The following GRIP1 variants were observed in gnomAD, a reference collection of about 807,000 sequenced individuals.
GRIP1 encodes glutamate receptor interacting protein 1.
Under a neutral mutation model 129.9 loss-of-function variants are expected in GRIP1, and 45 were observed. The observed-to-expected ratio is 0.35, with a 90% confidence interval of 0.27 to 0.44. The LOEUF is 0.44. Ranked by LOEUF, GRIP1 falls within the 20% of genes least tolerant of loss-of-function variation. The pLI, the probability that GRIP1 is intolerant of heterozygous loss-of-function variation, is 1.00. For missense variants in GRIP1, 1,196 were observed against 1,396.8 expected, an observed-to-expected ratio of 0.86 and a Z score of 2.29; for synonymous variants, 530 against 520.8, an observed-to-expected ratio of 1.02 and a Z score of -0.24.
intron 15 of GRIP1, among the ~76,000 whole-genome samples, chr12:66,415,832 C>T (rs2057579675): frequency 6.6e-6 from 1 of 152,152 alleles, no homozygotes. Context: ...GAAAACCAAA[C>T]ACTGCATGTT....
chr12:66,478,539 A>G (rs1372192391), intron 7 of GRIP1, among the ~76,000 whole-genome samples: 8 of 152,222 alleles, frequency 5.3e-5, no homozygotes, highest in Non-Finnish European at 7.3e-5. Context: ...TATATACCCA[A>G]AGGATTATAA....
chr12:66,424,062 T>G (rs2057900207), intron 14 of GRIP1, among the ~76,000 whole-genome samples: 1 of 152,216 alleles, frequency 6.6e-6, no homozygotes, highest in South Asian at 2.1e-4. Flanking sequence ...GTATCTCCAA[T>G]GCAAGTGTTT....
chr12:66,668,153 T>C (rs1192971178), intron 1 of GRIP1, among the ~76,000 whole-genome samples: 1 of 152,202 alleles, frequency 6.6e-6, no homozygotes, highest in African/African-American at 2.4e-5. Flanking sequence ...ATTTTAACAT[T>C]TGGAAGGCAT....
At chr12:66,666,321 T>C (rs1383017473) in intron 1 of GRIP1, among the ~76,000 whole-genome samples, 2 of 152,176 alleles carry the variant, frequency 1.3e-5, no homozygotes, top group Non-Finnish European at 2.9e-5. Context: ...ATCTTCCAAG[T>C]ATAAAGGTCA....
intron 1 of GRIP1, among the ~76,000 whole-genome samples, chr12:66,639,112 G>T (rs2031688010): frequency 6.6e-6 from 1 of 152,146 alleles, no homozygotes; most frequent in Admixed American, 6.6e-5. Context: ...ATATACATAT[G>T]TGTAAATATT....
chr12:66,949,288 C>T (rs2041718716), intron 1 of GRIP1, among the ~76,000 whole-genome samples: 1 of 152,048 alleles, frequency 6.6e-6, no homozygotes, highest in Non-Finnish European at 1.5e-5. Context: ...CTAGTTGCAC[C>T]TGATTCCTAG....
chr12:66,795,501 G>A (rs945721827), intron 1 of GRIP1, among the ~76,000 whole-genome samples: 6 of 152,128 alleles, frequency 3.9e-5, no homozygotes, highest in African/African-American at 7.2e-5. Flanking sequence ...AGACTCAATC[G>A]TGAAAAGCAG....
chr12:66,661,122 C>T (rs946786440), intron 1 of GRIP1, among the ~76,000 whole-genome samples: 3 of 151,836 alleles, frequency 2.0e-5, no homozygotes, highest in African/African-American at 7.3e-5. Flanking sequence ...TTGTGATGCA[C>T]CTAGAAATTG....
Position 66,610,959 on chromosome 12 carries a change from C to T in GRIP1, c.56-14032G>A, listed in dbSNP as rs117680376. 7.6e-3 allele frequency among the ~76,000 whole-genome samples: 1,155 copies of T among 152,262 alleles called. 9 individuals carry two copies. The highest frequency in any genetic ancestry group is 0.014 in the Non-Finnish European group (938 of 68,002). ...GGTACTGATTTTAAGCACAGCCTGC[C>T]TTCACATTTCTCCACTGTATAACTA... On this transcript the variant is annotated intron_variant, in intron 1 of 24. Coordinates refer to ENST00000359742, the MANE Select transcript of GRIP1 (RefSeq NM_001366722.1).
At chr12:66,640,730 AAAG>A (rs1057145720) in intron 1 of GRIP1, among the ~76,000 whole-genome samples, 1 of 152,202 alleles carries the variant, frequency 6.6e-6, no homozygotes, top group Non-Finnish European at 1.5e-5. Context: ...AGAATTATTC[AAAG>A]AATTAATGTT....
intron 6 of GRIP1, among the ~76,000 whole-genome samples, chr12:66,517,459 A>C (rs545686000): frequency 2.6e-5 from 4 of 152,316 alleles, no homozygotes; most frequent in African/African-American, 9.6e-5. Flanking sequence ...GAATGTTGAG[A>C]ATGGTAAGAA....
chr12:66,455,565 C>T lies in GRIP1; in HGVS notation c.1199-1G>A, dbSNP rs772813442. ...GAGAAGGATGAAGACACCAAAGCTGCTGCAAGAGAGTGAAGACGTTGCACA... is the reference window on the plus strand; with the variant it reads ...GAGAAGGATGAAGACACCAAAGCTGTTGCAAGAGAGTGAAGACGTTGCACA... On this transcript the variant is annotated splice_acceptor_variant, in intron 10 of 24. Transcript: ENST00000359742. LOFTEE classifies it high-confidence loss of function. 3 of 1,613,638 alleles carry T rather than the reference C, an allele frequency of 1.9e-6. No individual in the cohort carries two copies. Among genetic ancestry groups the T allele is most frequent in the East Asian group, 2.2e-5 (1 of 44,892 alleles).
intron 1 of GRIP1, among the ~76,000 whole-genome samples, chr12:66,993,723 G>A (rs1169001037): frequency 3.3e-5 from 5 of 150,906 alleles, no homozygotes; most frequent in African/African-American, 9.8e-5. Context: ...CCCTGGAGGC[G>A]GAGGTTGCAG....
chr12:66,816,700 C>CA (rs2039224650), intron 1 of GRIP1, among the ~76,000 whole-genome samples: 2 of 152,200 alleles, frequency 1.3e-5, no homozygotes, highest in South Asian at 4.1e-4. Context: ...TTAGAATTTT[C>CA]AGATGACTAA....
At chr12:66,421,146 C>T (rs2057788934) in intron 14 of GRIP1, among the ~76,000 whole-genome samples, 1 of 152,174 alleles carries the variant, frequency 6.6e-6, no homozygotes, top group South Asian at 2.1e-4. Flanking sequence ...TTAGTTACCC[C>T]TTCTTTTATT....
chr12:66,564,476 A>G (rs1051291415), intron 2 of GRIP1, among the ~76,000 whole-genome samples: 5 of 152,020 alleles, frequency 3.3e-5, no homozygotes, highest in Non-Finnish European at 5.9e-5. Context: ...TTATGGCTGC[A>G]TAGTATTCCA....
chr12:66,644,405 C>T (rs2032190338), intron 1 of GRIP1, among the ~76,000 whole-genome samples: 1 of 152,170 alleles, frequency 6.6e-6, no homozygotes, highest in Non-Finnish European at 1.5e-5. Context: ...GCCTGTATCA[C>T]ATTTCAAGTC....
At chr12:67,002,986 G>A (rs757998565) in intron 1 of GRIP1, among the ~76,000 whole-genome samples, 1 of 152,086 alleles carries the variant, frequency 6.6e-6, no homozygotes, top group Non-Finnish European at 1.5e-5. Context: ...TCCCCTGGCT[G>A]AGTAACTGCA....
At chr12:66,862,185 C>T (rs147577491) in intron 1 of GRIP1, among the ~76,000 whole-genome samples, 2 of 152,218 alleles carry the variant, frequency 1.3e-5, no homozygotes, top group Non-Finnish European at 2.9e-5. Flanking sequence ...CTAGTGTTCA[C>T]TCAATGACTC....
Sources: allele counts gnomAD v4.1 joint callset (sites outside exome capture counted in the v4.1 genomes callset), GRCh38; gene constraint gnomAD v4.1.1; transcripts MANE v1.5; gene names NCBI Gene and HGNC (gene_info 2026-07-23, HGNC 2026-07-21).